Variants in GPC1 observed in about 807,000 individuals in gnomAD.
GPC1 encodes glypican-1.
A neutral mutation model predicts 51.5 loss-of-function variants in GPC1; 26 were observed. The ratio of observed to expected loss-of-function variants is 0.50; its 90% CI spans 0.37 to 0.70. The LOEUF (loss-of-function observed/expected upper bound fraction) is 0.70. Ranked by LOEUF, GPC1 falls within the 30% of genes least tolerant of loss-of-function variation. The pLI is 0.00. For missense variants in GPC1, 775 were observed against 800.5 expected, an observed-to-expected ratio of 0.97 and a Z score of 0.38; for synonymous variants, 380 against 348.3, an observed-to-expected ratio of 1.09 and a Z score of -1.01.
Position 240,448,491 on chromosome 2 carries a change from G to A in GPC1, c.167-10539G>A, listed in dbSNP as rs2074068182. On this transcript the variant is annotated intron_variant, in intron 1 of 8. Transcript: ENST00000264039. This position sits in a 1 kb window ranked among gnomAD's most constrained non-coding sequence, Gnocchi z 4.5. ...ACGGGGTGGAGTCAGGACTCCAGGT[G>A]CCTGGGGGTGGAACTCTGAGCCTCC... 6.6e-6 allele frequency among the ~76,000 whole-genome samples: 1 copy of A among 151,884 alleles called. No individual in the cohort carries two copies. The highest frequency in any genetic ancestry group is 2.1e-4 in the South Asian group (1 of 4,806).
chr2:240,457,907 A>G (rs1285157383), intron 1 of GPC1: 7 of 360,986 alleles, frequency 1.9e-5, no homozygotes, highest in Middle Eastern at 9.4e-4. Context: ...CCTGCTGACA[A>G]CGCCCCCCCT....
intron 4 of GPC1, chr2:240,464,068 T>C (rs2074239319): frequency 4.9e-6 from 1 of 203,322 alleles, no homozygotes; most frequent in African/African-American, 2.3e-5. Flanking sequence ...ACAGCATGCA[T>C]CTGTGCCAAC....
intron 1 of GPC1, among the ~76,000 whole-genome samples, chr2:240,453,639 T>G (rs865843969): frequency 1.4e-5 from 1 of 69,206 alleles, no homozygotes. Flanking sequence ...CGCAGCCCCC[T>G]CTCCCCGCCC....
chr2:240,454,079 A>G (rs1373768938), intron 1 of GPC1, among the ~76,000 whole-genome samples: 1 of 146,344 alleles, frequency 6.8e-6, no homozygotes, highest in Non-Finnish European at 1.5e-5. Flanking sequence ...GGCTTCGGGC[A>G]GACGGCAGGG....
At chr2:240,460,804 A>C (rs1375642923) in intron 2 of GPC1, among the ~76,000 whole-genome samples, 1 of 150,488 alleles carries the variant, frequency 6.6e-6, no homozygotes, top group Non-Finnish European at 1.5e-5. Flanking sequence ...TCCAACCCCC[A>C]CCTCCTATGT....
At chr2:240,458,116 C>T (rs1181753467) in intron 1 of GPC1, 3 of 465,094 alleles carry the variant, frequency 6.5e-6, no homozygotes, top group South Asian at 1.6e-5. Flanking sequence ...GACCTCATCC[C>T]TGTAAGCCCC....
intron 3 of GPC1, 117 bp downstream of exon 3, chr2:240,462,699 G>A: frequency 1.1e-6 from 1 of 918,240 alleles, no homozygotes; most frequent in Non-Finnish European, 1.6e-6. Context: ...GCCAGCCTCT[G>A]ACCTCAGCCC....
rs2074233788 is a variant in GPC1, at chr2:240,463,401, C to T, written c.772C>T (p.His258Tyr). The change falls in exon 4 of 9, where the codon CAC (histidine) becomes TAC (tyrosine). Residue 258 changes from histidine (H) to tyrosine (Y), a missense_variant. Transcript: ENST00000264039. ...RAVMKLVYCA[H>Y]CLGVPGARPC... is the part of the protein sequence containing the mutation. ...TGTCATGAAGCTGGTCTACTGTGCTCACTGCCTGGGAGTCCCCGGCGCCAG... is the reference window on the plus strand; with the variant it reads ...TGTCATGAAGCTGGTCTACTGTGCTTACTGCCTGGGAGTCCCCGGCGCCAG... The T allele has an allele frequency of 3.1e-6, 5 of 1,612,852 alleles. No individual in the cohort carries two copies. The highest frequency in any genetic ancestry group is 4.2e-6 in the Non-Finnish European group (5 of 1,179,834).
chr2:240,445,206 C>G (rs377195764), intron 1 of GPC1, among the ~76,000 whole-genome samples: 1 of 152,184 alleles, frequency 6.6e-6, no homozygotes, highest in East Asian at 1.9e-4. Context: ...GAACAGGTGC[C>G]TCCCTGTTCT....
chr2:240,456,543 C>A, intron 1 of GPC1: 1 of 462,570 alleles, frequency 2.2e-6, no homozygotes, highest in Non-Finnish European at 4.5e-6. Context: ...GCTCAGCTGG[C>A]ACCTGCCACC....
chr2:240,445,631 G>A lies in GPC1; in HGVS notation c.166+9547G>A, dbSNP rs955702826. 1.6e-4 allele frequency among the ~76,000 whole-genome samples: 25 copies of A among 152,150 alleles called. No homozygotes were observed. The South Asian group carries it at 1.9e-3, about 11-fold the overall frequency. On this transcript the variant is annotated intron_variant, in intron 1 of 8. Coordinates refer to ENST00000264039, the MANE Select transcript of GPC1 (RefSeq NM_002081.3). ...TGCATCCATCCTTCTGTGGGTGCACGGATGAGGTTCTGGATGTAATTCATG... is the reference window on the plus strand; with the variant it reads ...TGCATCCATCCTTCTGTGGGTGCACAGATGAGGTTCTGGATGTAATTCATG...
rs116541243 is a variant in GPC1, at chr2:240,461,752, G to A, written c.326-439G>A. Among the ~76,000 whole-genome samples the A allele has an allele frequency of 6.9e-3, 1,049 of 152,196 alleles. 16 individuals carry two copies. Among genetic ancestry groups the A allele is most frequent in the African/African-American group, 0.023 (957 of 41,522 alleles). ...TCGCAGGGCAGGCGGCTGGGGCCACGGGGAGCACAAGTGGGGACCAGTGGA... is the reference window on the plus strand; with the variant it reads ...TCGCAGGGCAGGCGGCTGGGGCCACAGGGAGCACAAGTGGGGACCAGTGGA... On this transcript the variant is annotated intron_variant, in intron 2 of 8. Coordinates refer to ENST00000264039, the MANE Select transcript of GPC1 (RefSeq NM_002081.3).
chr2:240,459,252 T>G (rs1265157109), intron 2 of GPC1, 64 bp downstream of exon 2: 6 of 1,459,314 alleles, frequency 4.1e-6, no homozygotes, highest in Admixed American at 3.7e-5. Context: ...AGGGGCACAC[T>G]GGGCCTTGCC....
chr2:240,450,194 A>AC, intron 1 of GPC1: 2 of 329,280 alleles, frequency 6.1e-6, no homozygotes, highest in South Asian at 5.0e-5. Flanking sequence ...CAGCCCACAC[A>AC]CCTGCCATGC....
intron 3 of GPC1, among the ~76,000 whole-genome samples, chr2:240,463,146 G>A (rs2074230807): frequency 6.6e-6 from 1 of 152,092 alleles, no homozygotes; most frequent in Non-Finnish European, 1.5e-5. Context: ...GCCTCCCTGT[G>A]ACCCTCGAGA....
intron 1 of GPC1, among the ~76,000 whole-genome samples, chr2:240,436,654 C>G (rs1197931186): frequency 6.6e-6 from 1 of 152,268 alleles, no homozygotes; most frequent in Non-Finnish European, 1.5e-5. Flanking sequence ...TATAAGCTGA[C>G]CCCCTCGGGG....
At chr2:240,443,642 G>T (rs997002607) in intron 1 of GPC1, among the ~76,000 whole-genome samples, 1 of 152,214 alleles carries the variant, frequency 6.6e-6, no homozygotes, top group Non-Finnish European at 1.5e-5. Flanking sequence ...GCAGTGGGAG[G>T]TGAGGCCCAG....
intron 7 of GPC1, 46 bp downstream of exon 7, chr2:240,465,256 C>T (rs1254600866): frequency 1.1e-5 from 17 of 1,559,194 alleles, no homozygotes; most frequent in Non-Finnish European, 1.5e-5. Context: ...CATGCCGCCT[C>T]CATTGGGCTG....
At chr2:240,459,772 C>T (rs774380300) in intron 2 of GPC1, among the ~76,000 whole-genome samples, 5 of 152,256 alleles carry the variant, frequency 3.3e-5, no homozygotes, top group South Asian at 4.1e-4. Context: ...ACGTACTCCT[C>T]GGCCCAGGCT....
Sources: gnomAD v4.1 joint callset for allele counts (sites outside exome capture counted in the v4.1 genomes callset) on GRCh38, gnomAD v4.1.1 for gene constraint, Gnocchi (gnomAD v3.1) non-coding constraint, MANE v1.5 for transcripts, NCBI Gene and HGNC (gene_info 2026-07-23, HGNC 2026-07-21) for gene names.